MYO10: variants seen among roughly 807,000 people sequenced by gnomAD.
The protein encoded by MYO10 is myosin X, also known as unconventional myosin-X.
MYO10 carries 133 observed loss-of-function variants against 257.3 expected under a neutral mutation model. The observed-to-expected ratio is 0.52, with a 90% CI of 0.45 to 0.60. The LOEUF is 0.60. MYO10 is among the 20% of genes least tolerant of loss of function. The probability of loss-of-function intolerance (pLI) is 0.00; values close to 1 mark genes in which losing one functional copy is unlikely to be tolerated. For synonymous variants in MYO10, 1,104 were observed against 1,028.6 expected (o/e 1.07, Z -1.40); for missense variants, 2,399 against 2,635.7 (o/e 0.91, Z 1.97).
chr5:16,848,899 C>T (rs909717571), intron 2 of MYO10, among the ~76,000 whole-genome samples: 4 of 152,162 alleles, frequency 2.6e-5, no homozygotes, highest in Non-Finnish European at 4.4e-5. Context: ...ATAAATACTA[C>T]TCAGGAAGGT....
intron 5 of MYO10, among the ~76,000 whole-genome samples, chr5:16,782,336 G>A (rs1741448399): frequency 6.6e-6 from 1 of 152,108 alleles, no homozygotes; most frequent in Non-Finnish European, 1.5e-5. Flanking sequence ...TGCAGACCAC[G>A]GGATCTCGGT....
intron 19 of MYO10, chr5:16,742,088 A>C: frequency 1.2e-5 from 12 of 985,418 alleles, no homozygotes; most frequent in Non-Finnish European, 1.4e-5. Flanking sequence ...CAAATGTGTA[A>C]TTACATTTCA....
At chr5:16,729,311 C>CACAA (rs1395603249) in intron 19 of MYO10, among the ~76,000 whole-genome samples, 1 of 152,114 alleles carries the variant, frequency 6.6e-6, no homozygotes, top group Admixed American at 6.6e-5. Context: ...TCAAAACTAC[C>CACAA]ACAAGTCTAA....
intron 2 of MYO10, among the ~76,000 whole-genome samples, chr5:16,860,091 G>GCA (rs1744067212): frequency 6.6e-6 from 1 of 152,200 alleles, no homozygotes; most frequent in Non-Finnish European, 1.5e-5. Context: ...AGAAAAACCT[G>GCA]CACACTATTA....
At chr5:16,912,802 G>GCACACACACACACACACA (rs70943817) in intron 1 of MYO10, among the ~76,000 whole-genome samples, 24 of 111,644 alleles carry the variant, frequency 2.1e-4, no homozygotes, top group African/African-American at 5.0e-4. Flanking sequence ...CTACCACCCT[G>GCACACACACACACACACA]CACACACACA....
At chr5:16,729,895 C>A (rs1019936524) in intron 19 of MYO10, among the ~76,000 whole-genome samples, 2 of 152,150 alleles carry the variant, frequency 1.3e-5, no homozygotes, top group Non-Finnish European at 2.9e-5. Flanking sequence ...GCCAAAGAAC[C>A]AAGCAGAGAA....
At chr5:16,808,847 T>C (rs1034424229) in intron 3 of MYO10, among the ~76,000 whole-genome samples, 15 of 152,034 alleles carry the variant, frequency 9.9e-5, no homozygotes, top group Admixed American at 7.9e-4. Flanking sequence ...AATTTTTGTA[T>C]TTTTAGTAGA....
At chr5:16,852,080 A>C (rs781215740) in intron 2 of MYO10, among the ~76,000 whole-genome samples, 5 of 146,492 alleles carry the variant, frequency 3.4e-5, no homozygotes, top group Non-Finnish European at 6.0e-5. Context: ...AAAAAAAAGA[A>C]GACTTACTGA....
intron 2 of MYO10, among the ~76,000 whole-genome samples, chr5:16,842,770 T>G (rs1743521220): frequency 6.6e-6 from 1 of 151,478 alleles, no homozygotes; most frequent in Non-Finnish European, 1.5e-5. Context: ...TACAAAAAAT[T>G]AATAGTCCCA....
intron 18 of MYO10, among the ~76,000 whole-genome samples, chr5:16,757,090 G>C (rs1740548917): frequency 7.0e-6 from 1 of 142,618 alleles, no homozygotes; most frequent in Non-Finnish European, 1.5e-5. Context: ...TTGCATTCCA[G>C]CCTGGGTGAC....
intron 2 of MYO10, among the ~76,000 whole-genome samples, chr5:16,839,392 C>G (rs555548771): frequency 3.9e-5 from 6 of 152,212 alleles, no homozygotes; most frequent in African/African-American, 1.4e-4. Context: ...AGCAAGGGCA[C>G]TAGAATTAGA....
At chr5:16,670,144 T>C (rs1736374291) in intron 39 of MYO10, among the ~76,000 whole-genome samples, 1 of 152,156 alleles carries the variant, frequency 6.6e-6, no homozygotes, top group African/African-American at 2.4e-5. Context: ...TTCAAACAGA[T>C]GGCTGTAAAG....
intron 2 of MYO10, among the ~76,000 whole-genome samples, chr5:16,850,622 C>G (rs1428957631): frequency 6.6e-6 from 1 of 151,766 alleles, no homozygotes; most frequent in Admixed American, 6.6e-5. Flanking sequence ...AATATATCCT[C>G]AGTTAAATAG....
chr5:16,829,131 G>C (rs1449277143), intron 2 of MYO10, among the ~76,000 whole-genome samples: 1 of 152,162 alleles, frequency 6.6e-6, no homozygotes. Flanking sequence ...ATCCATGTGG[G>C]ACAGGTAATG....
At chr5:16,888,300 G>A (rs1744949075) in intron 1 of MYO10, among the ~76,000 whole-genome samples, 2 of 150,040 alleles carry the variant, frequency 1.3e-5, no homozygotes. Context: ...AGTCCAAGGT[G>A]GGAGGATTAC....
At chr5:16,893,270 G>C (rs1006608950) in intron 1 of MYO10, among the ~76,000 whole-genome samples, 3 of 150,966 alleles carry the variant, frequency 2.0e-5, no homozygotes, top group Non-Finnish European at 4.4e-5. Flanking sequence ...GGCTGAAGAG[G>C]ATGAGAAACA....
intron 1 of MYO10, among the ~76,000 whole-genome samples, chr5:16,900,339 AGAG>A (rs1037803379): frequency 6.9e-4 from 105 of 152,288 alleles, no homozygotes; most frequent in African/African-American, 2.4e-3. Flanking sequence ...TCATGGAAAG[AGAG>A]GAGTTTTGCA....
chr5:16,869,498 C>T (rs1376984860), intron 2 of MYO10, among the ~76,000 whole-genome samples: 2 of 151,998 alleles, frequency 1.3e-5, no homozygotes, highest in Non-Finnish European at 2.9e-5. Context: ...ATCACTCAAG[C>T]CCAGGAGTTA....
chr5:16,773,835 T>C (rs1374213117), intron 9 of MYO10, among the ~76,000 whole-genome samples: 2 of 152,090 alleles, frequency 1.3e-5, no homozygotes, highest in African/African-American at 4.8e-5. Context: ...TATTAATAAA[T>C]TTGTGGACTT....
Sources: gnomAD v4.1 joint callset for allele counts (sites outside exome capture counted in the v4.1 genomes callset) on GRCh38, gnomAD v4.1.1 for gene constraint, MANE v1.5 for transcripts, NCBI Gene and HGNC (gene_info 2026-07-23, HGNC 2026-07-21) for gene names.